OXR1: variants seen among roughly 807,000 people sequenced by gnomAD.
OXR1 encodes the protein oxidation resistance 1.
OXR1 carries 41 observed loss-of-function variants against 104.6 expected under a neutral mutation model. That is an observed-to-expected ratio of 0.39 (90% CI 0.31 to 0.51). OXR1 has a LOEUF of 0.51. Among genes scored for constraint, OXR1 ranks in the 20% least tolerant of loss-of-function variants. The pLI, the probability that OXR1 is intolerant of heterozygous loss-of-function variation, is 0.77. For missense variants in OXR1, 955 were observed against 1,031.9 expected, an observed-to-expected ratio of 0.93 and a Z score of 1.02; for synonymous variants, 348 against 348.4, an observed-to-expected ratio of 1.00 and a Z score of 0.01.
At chr8:106,307,255 A>T (rs1813501002) in intron 1 of OXR1, among the ~76,000 whole-genome samples, 1 of 152,152 alleles carries the variant, frequency 6.6e-6, no homozygotes, top group Non-Finnish European at 1.5e-5. Flanking sequence ...CCATGGATCA[A>T]ATATGTTACT....
In OXR1 at chr8:106,710,259, A is replaced by G. The variant is rs28921426; in HGVS notation, c.1625-363A>G. ...TCTACAGTTATTTAGATGTCATTCA[A>G]AAAGACTGATAGAGAATATGTAGAA... On this transcript the variant is annotated intron_variant, in intron 9 of 16. Coordinates refer to ENST00000517566, the MANE Select transcript of OXR1 (RefSeq NM_001198533.2). 4.3e-3 allele frequency among the ~76,000 whole-genome samples: 653 copies of G among 152,208 alleles called. 2 individuals are homozygous for G. Among genetic ancestry groups the G allele is most frequent in the African/African-American group, 0.015 (604 of 41,576 alleles).
intron 1 of OXR1, among the ~76,000 whole-genome samples, chr8:106,304,708 C>T (rs1813404068): frequency 6.6e-6 from 1 of 152,122 alleles, no homozygotes. Context: ...TTTAAATTTA[C>T]AGCATTATCT....
At chr8:106,328,387 G>A (rs1361831384) in intron 1 of OXR1, among the ~76,000 whole-genome samples, 1 of 152,132 alleles carries the variant, frequency 6.6e-6, no homozygotes, top group Non-Finnish European at 1.5e-5. Context: ...GTGTGGGTTA[G>A]TTTCATTTGT....
chr8:106,322,794 A>G (rs1814280836), intron 1 of OXR1, among the ~76,000 whole-genome samples: 1 of 152,198 alleles, frequency 6.6e-6, no homozygotes. Context: ...AGTTGCCACA[A>G]AAAGAATAAA....
At chr8:106,504,058 G>C (rs188470516) in intron 2 of OXR1, among the ~76,000 whole-genome samples, 22 of 152,318 alleles carry the variant, frequency 1.4e-4, no homozygotes, top group Admixed American at 1.3e-3. Context: ...ATGCCAGCAA[G>C]TAAGATCCCT....
intron 3 of OXR1, among the ~76,000 whole-genome samples, chr8:106,544,693 A>C: frequency 6.6e-6 from 1 of 152,062 alleles, no homozygotes; most frequent in Non-Finnish European, 1.5e-5. Flanking sequence ...TTTTCCCTGA[A>C]AGTTTGTATT....
At chr8:106,421,742 T>G (rs1377527849) in intron 2 of OXR1, among the ~76,000 whole-genome samples, 1 of 94,576 alleles carries the variant, frequency 1.1e-5, no homozygotes, top group Non-Finnish European at 2.0e-5. Context: ...ATATCAAATT[T>G]GCTTCTATCC....
chr8:106,307,110 A>G (rs949382974), intron 1 of OXR1, among the ~76,000 whole-genome samples: 6 of 152,198 alleles, frequency 3.9e-5, no homozygotes, highest in Admixed American at 6.5e-5. Flanking sequence ...AGCATGAATC[A>G]TCAAGAAACA....
At chr8:106,312,603 G>T (rs1813754737) in intron 1 of OXR1, among the ~76,000 whole-genome samples, 2 of 152,162 alleles carry the variant, frequency 1.3e-5, no homozygotes, top group Admixed American at 6.5e-5. Flanking sequence ...GTTTACTCAG[G>T]CTCCCTCACT....
intron 3 of OXR1, among the ~76,000 whole-genome samples, chr8:106,596,742 G>C (rs113913010): frequency 6.6e-6 from 1 of 152,018 alleles, no homozygotes; most frequent in Non-Finnish European, 1.5e-5. Context: ...AGTAGTATAC[G>C]TTAAATGGTA....
intron 5 of OXR1, 138 bp from the exon 6 acceptor site, chr8:106,684,107 GT>G (rs1468801999): frequency 1.8e-6 from 1 of 541,582 alleles, no homozygotes; most frequent in East Asian, 3.0e-5. Flanking sequence ...TTTTAAAAAT[GT>G]TTTTATATTC....
chr8:106,654,730 A>G (rs1288809659), intron 3 of OXR1, among the ~76,000 whole-genome samples: 1 of 152,182 alleles, frequency 6.6e-6, no homozygotes, highest in Non-Finnish European at 1.5e-5. Context: ...TGATAAAAAT[A>G]TTGATAAATT....
rs117333133 is a variant in OXR1 at position 106,497,753 on chromosome 8, A to G, written c.24-21190A>G. Among the ~76,000 whole-genome samples the G allele has an allele frequency of 2.0e-3, 306 of 151,986 alleles. 3 individuals are homozygous for G. The East Asian group carries it at 0.023, about 12-fold the overall frequency. On this transcript the variant is annotated intron_variant, in intron 2 of 16. Coordinates refer to ENST00000517566, the MANE Select transcript of OXR1 (RefSeq NM_001198533.2). ...GATTAAACCCCTCTTCCTTGGGGGAAAGGTTTATGGTAGAAAAATTTATAT... is the reference window on the plus strand; with the variant it reads ...GATTAAACCCCTCTTCCTTGGGGGAGAGGTTTATGGTAGAAAAATTTATAT...
chr8:106,541,560 C>G (rs917803130), intron 3 of OXR1, among the ~76,000 whole-genome samples: 2 of 152,160 alleles, frequency 1.3e-5, no homozygotes, highest in African/African-American at 4.8e-5. Flanking sequence ...ATCATAAAAC[C>G]ATATCTACCC....
rs1211300964 is a variant in OXR1 at position 106,752,588 on chromosome 8, G to A, written c.*1647G>A. On this transcript the variant is annotated 3_prime_UTR_variant, in exon 17 of 17. Coordinates refer to ENST00000517566, the MANE Select transcript of OXR1 (RefSeq NM_001198533.2). ...TTCGGTCTTCCACAGCAGTATTATT[G>A]TCTTTGTGGAGTTGACTAATGATAA... is the stretch of plus-strand genomic sequence containing the variant. The A allele has an allele frequency of 1.3e-5, 2 of 152,320 alleles. No individual in the cohort carries two copies. Among genetic ancestry groups the A allele is most frequent in the African/African-American group, 4.8e-5 (2 of 41,372 alleles). 9.4% of individuals were successfully genotyped at this position (152,320 alleles called of 1,614,324 possible). A position where few individuals can be genotyped will look rare whatever the true frequency, so the allele number is the denominator to read the frequency against.
At chr8:106,310,414 T>C (rs900193942) in intron 1 of OXR1, among the ~76,000 whole-genome samples, 1 of 152,180 alleles carries the variant, frequency 6.6e-6, no homozygotes, top group African/African-American at 2.4e-5. Flanking sequence ...GGGTGGCTGC[T>C]CTGTAATTCT....
At chr8:106,566,126 G>T (rs900608582) in intron 3 of OXR1, among the ~76,000 whole-genome samples, 1 of 152,110 alleles carries the variant, frequency 6.6e-6, no homozygotes, top group Non-Finnish European at 1.5e-5. Context: ...TGACAAATGG[G>T]ATCTAATTAA....
At chr8:106,415,287 A>G (rs1414099026) in intron 2 of OXR1, among the ~76,000 whole-genome samples, 1 of 149,280 alleles carries the variant, frequency 6.7e-6, no homozygotes, top group African/African-American at 2.4e-5. Context: ...TAGTTGTAAT[A>G]ATGTTTTGCC....
At chr8:106,668,790 A>G (rs934947457) in intron 3 of OXR1, among the ~76,000 whole-genome samples, 1 of 152,248 alleles carries the variant, frequency 6.6e-6, no homozygotes, top group Non-Finnish European at 1.5e-5. Flanking sequence ...TGTCACAAAT[A>G]TGAAGTTATG....
Sources: allele counts gnomAD v4.1 joint callset (sites outside exome capture counted in the v4.1 genomes callset), GRCh38; gene constraint gnomAD v4.1.1; transcripts MANE v1.5; gene names NCBI Gene and HGNC (gene_info 2026-07-23, HGNC 2026-07-21).